Variants in MMD observed in about 807,000 individuals in gnomAD.
MMD encodes monocyte to macrophage differentiation factor.
A neutral mutation model predicts 33.6 loss-of-function variants in MMD; 22 were observed. The observed-to-expected ratio is 0.66, with a 90% confidence interval of 0.47 to 0.94. The LOEUF (loss-of-function observed/expected upper bound fraction) is 0.94. Ranked by LOEUF, MMD falls within the 40% of genes least tolerant of loss-of-function variation. MMD has a pLI of 0.00. For missense variants in MMD, 242 were observed against 309.8 expected, an observed-to-expected ratio of 0.78 and a Z score of 1.64; for synonymous variants, 97 against 103.2, an observed-to-expected ratio of 0.94 and a Z score of 0.36.
At chr17:55,421,417 G>A (rs1200588817) in intron 1 of MMD, among the ~76,000 whole-genome samples, 1 of 152,186 alleles carries the variant, frequency 6.6e-6, no homozygotes, top group African/African-American at 2.4e-5. Flanking sequence ...TTGGAGTCCC[G>A]GGGCCGGGAA....
chr17:55,420,125 G>A (rs1908121472), intron 1 of MMD: 1 of 152,158 alleles, frequency 6.6e-6, no homozygotes, highest in East Asian at 1.9e-4. Context: ...AAAGGTATAG[G>A]TAAGAATGAC....
In MMD at chr17:55,407,731, A is replaced by T; in HGVS notation, c.344+15T>A. The T allele has an allele frequency of 6.3e-7, 1 of 1,588,344 alleles. No homozygotes were observed. The highest frequency in any genetic ancestry group is 8.6e-7 in the Non-Finnish European group (1 of 1,167,714). On this transcript the variant is annotated intron_variant, in intron 4 of 6. Coordinates refer to ENST00000262065, the MANE Select transcript of MMD (RefSeq NM_012329.3). ...TAAAATCACTACCTTCGAAAATAGG[A>T]AGACTGTATCTTACCATGGAGCATA...
At chr17:55,420,698 C>G (rs1165769690) in intron 1 of MMD, among the ~76,000 whole-genome samples, 2 of 152,190 alleles carry the variant, frequency 1.3e-5, no homozygotes, top group Non-Finnish European at 2.9e-5. Context: ...GTCACTGCAC[C>G]CCCAGCAAAC....
At chr17:55,412,624 T>C (rs1196663798) in intron 2 of MMD, among the ~76,000 whole-genome samples, 2 of 152,114 alleles carry the variant, frequency 1.3e-5, no homozygotes, top group Non-Finnish European at 2.9e-5. Flanking sequence ...AAACCTACAT[T>C]TGTCACCTTG....
chr17:55,421,598 G>A (rs370754952), intron 1 of MMD, 72 bp downstream of exon 1: 11 of 1,580,862 alleles, frequency 7.0e-6, no homozygotes, highest in African/African-American at 2.7e-5. Context: ...GCCGGGAGCC[G>A]TGCGCTTAAC....
intron 2 of MMD, among the ~76,000 whole-genome samples, chr17:55,412,800 G>T (rs1473320409): frequency 6.6e-6 from 1 of 152,126 alleles, no homozygotes; most frequent in Non-Finnish European, 1.5e-5. Flanking sequence ...TATTTCAGAG[G>T]ATTTAAGTAC....
In MMD at chr17:55,408,197, C is replaced by T. The variant is rs151044585; in HGVS notation, c.270-377G>A. Among the ~76,000 whole-genome samples the T allele has an allele frequency of 4.2e-3, 641 of 152,294 alleles. 5 individuals carry two copies. Among genetic ancestry groups the T allele is most frequent in the South Asian group, 0.022 (105 of 4,824 alleles). Reference sequence around the variant, plus strand: ...GTTCCTGGAGGGCAGACCACCTCCCCGCAACCTGCCCCAGCTCCTATCAGT... The same window carrying T: ...GTTCCTGGAGGGCAGACCACCTCCCTGCAACCTGCCCCAGCTCCTATCAGT... On this transcript the variant is annotated intron_variant, in intron 3 of 6. Transcript: ENST00000262065.
intron 1 of MMD, among the ~76,000 whole-genome samples, chr17:55,417,801 A>C (rs115355418): frequency 6.6e-6 from 1 of 152,102 alleles, no homozygotes; most frequent in African/African-American, 2.4e-5. Flanking sequence ...CCTGTCTCAA[A>C]AACAAACAAC....
intron 6 of MMD, among the ~76,000 whole-genome samples, chr17:55,395,511 C>T (rs1268839722): frequency 1.3e-5 from 2 of 152,228 alleles, no homozygotes; most frequent in African/African-American, 2.4e-5. Context: ...AGCTCTAACT[C>T]AGGCACCTGA....
At position 55,394,213 on chromosome 17, in the gene MMD, T is replaced by G; in HGVS notation, c.*121A>C. ...CTTTATACTTTCACAGTAATTATATTCAAAAGATATAAAGTCAGTGCAGTT... is the reference window on the plus strand; with the variant it reads ...CTTTATACTTTCACAGTAATTATATGCAAAAGATATAAAGTCAGTGCAGTT... On this transcript the variant is annotated 3_prime_UTR_variant, in exon 7 of 7. Coordinates refer to ENST00000262065, the MANE Select transcript of MMD (RefSeq NM_012329.3). 1.4e-6 allele frequency: 1 copy of G among 736,384 alleles called. No individual in the cohort carries two copies. Among genetic ancestry groups the G allele is most frequent in the Non-Finnish European group, 2.0e-6 (1 of 498,990 alleles). The allele number at this position is 736,384 out of a possible 1,614,324, so 45.6% of individuals were successfully genotyped here. A position where few individuals can be genotyped will look rare whatever the true frequency, so the allele number is the denominator to read the frequency against.
intron 5 of MMD, among the ~76,000 whole-genome samples, chr17:55,403,552 A>G (rs1907428188): frequency 6.6e-6 from 1 of 152,194 alleles, no homozygotes; most frequent in Non-Finnish European, 1.5e-5. Context: ...CCCCTCAACT[A>G]CATTATACCA....
intron 1 of MMD, among the ~76,000 whole-genome samples, chr17:55,417,630 A>G (rs1197902421): frequency 6.6e-6 from 1 of 152,020 alleles, no homozygotes; most frequent in Admixed American, 6.6e-5. Context: ...ATCTCTACAC[A>G]CAAAAAAAAA....
chr17:55,410,298 C>T (rs1324470972), intron 3 of MMD, among the ~76,000 whole-genome samples: 2 of 152,162 alleles, frequency 1.3e-5, no homozygotes, highest in African/African-American at 2.4e-5. Flanking sequence ...GTAAAAGGAG[C>T]ATATATTTTA....
chr17:55,414,315 C>G (rs1340736244), intron 1 of MMD, 83 bp from the exon 2 acceptor site: 2 of 1,257,286 alleles, frequency 1.6e-6, no homozygotes, highest in East Asian at 2.4e-5. Flanking sequence ...GGTATGTGGT[C>G]TATTCTACGC....
At chr17:55,415,576 T>C (rs1002043937) in intron 1 of MMD, among the ~76,000 whole-genome samples, 2 of 152,162 alleles carry the variant, frequency 1.3e-5, no homozygotes, top group Non-Finnish European at 2.9e-5. Context: ...GAGTGCCAAG[T>C]TTATTAATAA....
intron 4 of MMD, among the ~76,000 whole-genome samples, chr17:55,405,433 T>C (rs967179281): frequency 1.3e-5 from 2 of 150,984 alleles, no homozygotes; most frequent in East Asian, 1.9e-4. Flanking sequence ...GTCCTGATTA[T>C]CTATAACTAC....
chr17:55,396,426 T>G (rs1341020810), intron 6 of MMD, among the ~76,000 whole-genome samples: 1 of 152,210 alleles, frequency 6.6e-6, no homozygotes, highest in East Asian at 1.9e-4. Context: ...ATTACTGATA[T>G]GGTTGTATTG....
At chr17:55,419,843 C>G (rs28390137) in intron 1 of MMD, among the ~76,000 whole-genome samples, 1 of 152,008 alleles carries the variant, frequency 6.6e-6, no homozygotes, top group African/African-American at 2.4e-5. Flanking sequence ...AACACACAAG[C>G]CCCCAAGAAA....
chr17:55,420,894 A>G lies in MMD; in HGVS notation c.26+776T>C, dbSNP rs573933957. On this transcript the variant is annotated intron_variant, in intron 1 of 6. Coordinates refer to ENST00000262065, the MANE Select transcript of MMD (RefSeq NM_012329.3). ...GGGGAGTAAGGCCACGGCGCCCCCC[A>G]GCCCGGCATTTCCACCAGCTCTACA... Among the ~76,000 whole-genome samples, 20 of 152,194 alleles carry G rather than the reference A, an allele frequency of 1.3e-4. No individual in the cohort carries two copies. The East Asian group carries it at 3.5e-3, about 26-fold the overall frequency.
Sources: allele counts gnomAD v4.1 joint callset (sites outside exome capture counted in the v4.1 genomes callset), GRCh38; gene constraint gnomAD v4.1.1; transcripts MANE v1.5; gene names NCBI Gene and HGNC (gene_info 2026-07-23, HGNC 2026-07-21).